WWOX: variants seen among roughly 807,000 people sequenced by gnomAD.
WWOX encodes WW domain containing oxidoreductase.
Under a neutral mutation model 46.2 loss-of-function variants are expected in WWOX, and 69 were observed. That is an observed-to-expected ratio of 1.49 (90% CI 1.23 to 1.82). WWOX has a LOEUF of 1.82. Ranked by LOEUF, WWOX falls within the 40% of genes most tolerant of loss-of-function variation. The probability of loss-of-function intolerance (pLI) is 0.00; values close to 1 mark genes in which losing one functional copy is unlikely to be tolerated. For synonymous variants in WWOX, 359 were observed against 202.6 expected (o/e 1.77, Z -6.56); for missense variants, 919 against 542.6 (o/e 1.69, Z -6.89).
intron 8 of WWOX, among the ~76,000 whole-genome samples, chr16:78,634,430 G>A (rs1043928920): frequency 1.3e-5 from 2 of 152,120 alleles, no homozygotes; most frequent in East Asian, 1.9e-4. Flanking sequence ...AGGGACAGCC[G>A]GGCGCAGTGG....
chr16:78,863,272 T>C (rs2043932128), intron 8 of WWOX, among the ~76,000 whole-genome samples: 1 of 152,202 alleles, frequency 6.6e-6, no homozygotes, highest in African/African-American at 2.4e-5. Context: ...AAGTAAGTTT[T>C]AACTTGGAAA....
intron 5 of WWOX, among the ~76,000 whole-genome samples, chr16:78,179,157 A>G (rs902725686): frequency 1.1e-4 from 17 of 152,238 alleles, no homozygotes; most frequent in Non-Finnish European, 2.1e-4. Flanking sequence ...GAATCTGTTA[A>G]AAATCAAGTT....
chr16:78,189,978 A>C (rs184545757), intron 5 of WWOX, among the ~76,000 whole-genome samples: 6 of 152,100 alleles, frequency 3.9e-5, no homozygotes. Context: ...CTTTTCCTCA[A>C]GAACTCACTT....
At chr16:78,917,730 C>T (rs922367442) in intron 8 of WWOX, among the ~76,000 whole-genome samples, 5 of 151,926 alleles carry the variant, frequency 3.3e-5, no homozygotes, top group African/African-American at 1.2e-4. Flanking sequence ...TTTGGTAGTG[C>T]CTCCAGAACC....
At chr16:78,144,344 A>G (rs2034090625) in intron 4 of WWOX, among the ~76,000 whole-genome samples, 1 of 147,382 alleles carries the variant, frequency 6.8e-6, no homozygotes. Flanking sequence ...AGAGCCTTTT[A>G]GCTAATGTAG....
chr16:78,814,010 T>C (rs1297834098), intron 8 of WWOX, among the ~76,000 whole-genome samples: 1 of 152,188 alleles, frequency 6.6e-6, no homozygotes, highest in Non-Finnish European at 1.5e-5. Context: ...GCAACTGCTG[T>C]TTCTTTTAGG....
At chr16:78,851,201 C>T (rs1243222777) in intron 8 of WWOX, among the ~76,000 whole-genome samples, 1 of 152,140 alleles carries the variant, frequency 6.6e-6, no homozygotes, top group African/African-American at 2.4e-5. Flanking sequence ...AAGAGTAGGT[C>T]TTTCTGTTAG....
Position 78,600,455 on chromosome 16 carries a change from C to G in WWOX, c.1056+167703C>G, listed in dbSNP as rs564488618. ...CTCGGATTTTTATGTGAAGTCATCT[C>G]CATTTTAAGTATTCTTTTCTTTCCC... On this transcript the variant is annotated intron_variant, in intron 8 of 8. Transcript: ENST00000566780. Among the ~76,000 whole-genome samples, 10 of 152,232 alleles carry G rather than the reference C, an allele frequency of 6.6e-5. No individual in the cohort carries two copies. In the East Asian group the frequency reaches 1.9e-3, roughly 29 times the overall value.
intron 4 of WWOX, among the ~76,000 whole-genome samples, chr16:78,150,167 A>G (rs1425312564): frequency 6.6e-6 from 1 of 152,174 alleles, no homozygotes; most frequent in Non-Finnish European, 1.5e-5. Context: ...ATAATTTGCT[A>G]TAATGGCTCA....
intron 8 of WWOX, among the ~76,000 whole-genome samples, chr16:79,164,631 C>T (rs549675240): frequency 6.6e-6 from 1 of 152,308 alleles, no homozygotes; most frequent in South Asian, 2.1e-4. Flanking sequence ...TCACTCTAAC[C>T]TTGAAAGGGA....
intron 8 of WWOX, among the ~76,000 whole-genome samples, chr16:78,961,946 G>C (rs1167154780): frequency 6.6e-6 from 1 of 152,116 alleles, no homozygotes. Context: ...GCAGGTATTA[G>C]GGATGGACCC....
intron 8 of WWOX, among the ~76,000 whole-genome samples, chr16:79,208,439 GTAT>G (rs1166793298): frequency 1.1e-4 from 17 of 152,182 alleles, no homozygotes; most frequent in African/African-American, 2.4e-4. Context: ...GTATGTCAAG[GTAT>G]TATTATTTAT....
At chr16:79,127,884 A>T (rs938777718) in intron 8 of WWOX, among the ~76,000 whole-genome samples, 2 of 152,208 alleles carry the variant, frequency 1.3e-5, no homozygotes, top group South Asian at 2.1e-4. Flanking sequence ...CAGAAGTTAG[A>T]CTGCAAGAAG....
At chr16:78,862,956 C>G (rs545151750) in intron 8 of WWOX, among the ~76,000 whole-genome samples, 1 of 143,732 alleles carries the variant, frequency 7.0e-6, no homozygotes, top group South Asian at 2.2e-4. Flanking sequence ...GTGGTTATGC[C>G]AAGTTTTTTT....
At chr16:78,586,741 A>T (rs1015777212) in intron 8 of WWOX, among the ~76,000 whole-genome samples, 5 of 152,174 alleles carry the variant, frequency 3.3e-5, no homozygotes, top group African/African-American at 1.2e-4. Flanking sequence ...TGAAAATGCC[A>T]TTATTCTTTG....
intron 8 of WWOX, chr16:78,898,754 T>C (rs1207780949): frequency 6.6e-6 from 1 of 152,156 alleles, no homozygotes; most frequent in African/African-American, 2.4e-5. Context: ...AGCATGCATC[T>C]CTCCATTTAT....
chr16:79,003,637 G>T (rs892636627), intron 8 of WWOX, among the ~76,000 whole-genome samples: 1 of 152,178 alleles, frequency 6.6e-6, no homozygotes, highest in African/African-American at 2.4e-5. Flanking sequence ...CATGTCCAGG[G>T]CTTTGTCAGG....
At chr16:78,804,825 T>G (rs910043734) in intron 8 of WWOX, among the ~76,000 whole-genome samples, 1 of 152,256 alleles carries the variant, frequency 6.6e-6, no homozygotes, top group Non-Finnish European at 1.5e-5. Context: ...AAAATCCTGT[T>G]TATACCTTAG....
intron 5 of WWOX, among the ~76,000 whole-genome samples, chr16:78,347,744 T>C (rs1051516019): frequency 8.1e-6 from 1 of 122,766 alleles, no homozygotes; most frequent in Non-Finnish European, 2.0e-5. Flanking sequence ...ATGAGACTGC[T>C]AAATAGTTGC....
Sources: gnomAD v4.1 joint callset for allele counts (sites outside exome capture counted in the v4.1 genomes callset) on GRCh38, gnomAD v4.1.1 for gene constraint, MANE v1.5 for transcripts, NCBI Gene and HGNC (gene_info 2026-07-23, HGNC 2026-07-21) for gene names.